Variants in PRKN observed in about 807,000 individuals in gnomAD.
PRKN encodes the protein parkin RBR E3 ubiquitin protein ligase, also known as E3 ubiquitin-protein ligase parkin.
In PRKN, 56 loss-of-function variants were observed where a neutral mutation model predicts 59.5. That is an observed-to-expected ratio of 0.94 (90% CI 0.76 to 1.18). The LOEUF (loss-of-function observed/expected upper bound fraction) is 1.18. PRKN is among the 50% of genes most tolerant of loss of function. The pLI is 0.00. For synonymous variants in PRKN, 250 were observed against 222.1 expected (o/e 1.13, Z -1.12); for missense variants, 657 against 596.4 (o/e 1.10, Z -1.06).
At chr6:162,340,294 T>C (rs1170448923) in intron 2 of PRKN, among the ~76,000 whole-genome samples, 4 of 152,188 alleles carry the variant, frequency 2.6e-5, no homozygotes, top group African/African-American at 9.7e-5. Context: ...TGAATAGGAT[T>C]CTGCCTTGAT....
chr6:161,613,073 C>A (rs1215023382), intron 7 of PRKN, among the ~76,000 whole-genome samples: 1 of 152,052 alleles, frequency 6.6e-6, no homozygotes, highest in African/African-American at 2.4e-5. Context: ...TGGATCTGGG[C>A]AAAGTACACT....
chr6:161,487,750 C>T lies in PRKN; in HGVS notation c.1083+61104G>A, dbSNP rs371186637. On this transcript the variant is annotated intron_variant, in intron 9 of 11. Coordinates refer to ENST00000366898, the MANE Select transcript of PRKN (RefSeq NM_004562.3). This position sits in a 1 kb window ranked among gnomAD's most constrained non-coding sequence, Gnocchi z 5.3. ...ATGGAGGCTCGCGAATAGAGAGGCACCATGCTCATTGCTTTGGGCATACCC... is the reference window on the plus strand; with the variant it reads ...ATGGAGGCTCGCGAATAGAGAGGCATCATGCTCATTGCTTTGGGCATACCC... 2.6e-5 allele frequency among the ~76,000 whole-genome samples: 4 copies of T among 152,284 alleles called. No homozygotes were observed. The South Asian group carries it at 8.3e-4, about 32-fold the overall frequency.
chr6:162,512,547 C>A (rs1312078939), intron 1 of PRKN, among the ~76,000 whole-genome samples: 1 of 152,178 alleles, frequency 6.6e-6, no homozygotes, highest in Non-Finnish European at 1.5e-5. Flanking sequence ...TCACAATGTT[C>A]TTTGCAGTTA....
chr6:161,469,573 AAGAG>A (rs1790672865), intron 9 of PRKN, among the ~76,000 whole-genome samples: 1 of 138,934 alleles, frequency 7.2e-6, no homozygotes, highest in Non-Finnish European at 1.5e-5. Flanking sequence ...GAGAGAGAGA[AAGAG>A]AGAGAGAAAG....
chr6:162,383,934 C>T (rs990440976), intron 2 of PRKN, among the ~76,000 whole-genome samples: 8 of 152,170 alleles, frequency 5.3e-5, no homozygotes, highest in African/African-American at 1.7e-4. Flanking sequence ...ACCTCTACTA[C>T]CTTCAAATGT....
chr6:161,614,045 G>T (rs1483000366), intron 7 of PRKN, among the ~76,000 whole-genome samples: 1 of 152,118 alleles, frequency 6.6e-6, no homozygotes, highest in Non-Finnish European at 1.5e-5. Flanking sequence ...TGTCTACCTG[G>T]AGGCACCTGT....
Position 162,011,440 on chromosome 6 carries a change from TA to T in PRKN, c.619-38024del, listed in dbSNP as rs1267616232. On this transcript the variant is annotated intron_variant, in intron 5 of 11. Transcript: ENST00000366898. ...TATATTTTATAATATATATGTTATA[TA>T]TTTATAATATATAATATATATATTA... Among the ~76,000 whole-genome samples, 2 of 21,558 alleles carry T rather than the reference TA, an allele frequency of 9.3e-5. 1 individual carries two copies. Among genetic ancestry groups the T allele is most frequent in the Non-Finnish European group, 1.2e-4 (2 of 16,502 alleles). The allele number at this position is 21,558 out of a possible 152,430, so 14.1% of individuals were successfully genotyped here. A position where few individuals can be genotyped will look rare whatever the true frequency, so the allele number is the denominator to read the frequency against.
At chr6:162,705,287 A>G (rs1048252422) in intron 1 of PRKN, among the ~76,000 whole-genome samples, 3 of 152,158 alleles carry the variant, frequency 2.0e-5, no homozygotes, top group African/African-American at 4.8e-5. Context: ...TCAGAAGAAC[A>G]CTGTTTTAGA....
intron 7 of PRKN, among the ~76,000 whole-genome samples, chr6:161,617,805 C>T (rs1472960782): frequency 1.3e-5 from 2 of 152,226 alleles, no homozygotes; most frequent in African/African-American, 2.4e-5. Context: ...CAACCTATTA[C>T]AATCCCAGGA....
intron 7 of PRKN, among the ~76,000 whole-genome samples, chr6:161,722,649 A>AT (rs1408626481): frequency 6.6e-6 from 1 of 152,192 alleles, no homozygotes; most frequent in African/African-American, 2.4e-5. Flanking sequence ...TCCTGTCAGT[A>AT]TTTTTTGTGA....
chr6:162,532,500 A>G (rs915869863), intron 1 of PRKN, among the ~76,000 whole-genome samples: 1 of 152,160 alleles, frequency 6.6e-6, no homozygotes, highest in East Asian at 1.9e-4. Flanking sequence ...TTTCTTACTC[A>G]GTCTTTATGA....
At chr6:161,939,761 T>C (rs1416131980) in intron 6 of PRKN, among the ~76,000 whole-genome samples, 3 of 152,034 alleles carry the variant, frequency 2.0e-5, no homozygotes, top group African/African-American at 4.8e-5. Context: ...AAAAGGCAGA[T>C]GTTAAAAACA....
In PRKN at chr6:161,766,498, C is replaced by T. The variant is rs546850943; in HGVS notation, c.871+19274G>A. On this transcript the variant is annotated intron_variant, in intron 7 of 11. Coordinates refer to ENST00000366898, the MANE Select transcript of PRKN (RefSeq NM_004562.3). ...AATTTTTCTGTATTTTCAGTAGAGA[C>T]GGGGTTTCACCATGTTGGCCAGGAT... Among the ~76,000 whole-genome samples, 226 of 152,122 alleles carry T rather than the reference C, an allele frequency of 1.5e-3. 1 individual carries two copies. Among genetic ancestry groups the T allele is most frequent in the Non-Finnish European group, 2.5e-3 (173 of 67,988 alleles).
At chr6:162,611,536 C>T (rs1355311598) in intron 1 of PRKN, among the ~76,000 whole-genome samples, 1 of 152,090 alleles carries the variant, frequency 6.6e-6, no homozygotes, top group East Asian at 1.9e-4. Flanking sequence ...AGGAAGGAGC[C>T]GCTAACCTAC....
chr6:161,555,868 TA>T (rs1780219489), intron 8 of PRKN, among the ~76,000 whole-genome samples: 1 of 152,234 alleles, frequency 6.6e-6, no homozygotes, highest in Admixed American at 6.5e-5. Flanking sequence ...ATAATTCTAA[TA>T]AGATAATCAA....
chr6:162,672,010 A>G (rs1584022284), intron 1 of PRKN, among the ~76,000 whole-genome samples: 2 of 152,002 alleles, frequency 1.3e-5, no homozygotes, highest in East Asian at 3.9e-4. Context: ...GTGCCCATGA[A>G]GTAAAGTGAA....
chr6:162,177,707 A>G (rs1233885711), intron 4 of PRKN, among the ~76,000 whole-genome samples: 1 of 152,244 alleles, frequency 6.6e-6, no homozygotes, highest in African/African-American at 2.4e-5. Flanking sequence ...CCAAGAATAC[A>G]ACAAAGACGG....
chr6:162,391,222 C>T (rs949509987), intron 2 of PRKN, among the ~76,000 whole-genome samples: 3 of 152,156 alleles, frequency 2.0e-5, no homozygotes, highest in Non-Finnish European at 2.9e-5. Context: ...GCAATGACTT[C>T]ATCCAGGAAG....
chr6:162,534,965 GTCTTCCTTCCCCAGTTC>G (rs1778658322), intron 1 of PRKN, among the ~76,000 whole-genome samples: 1 of 138,388 alleles, frequency 7.2e-6, no homozygotes, highest in Non-Finnish European at 1.7e-5. Context: ...TCAATGACCA[GTCTTCCTTCCCCAGTTC>G]TCTTCCTTCC....
Sources: gnomAD v4.1 joint callset for allele counts (sites outside exome capture counted in the v4.1 genomes callset) on GRCh38, gnomAD v4.1.1 for gene constraint, Gnocchi (gnomAD v3.1) non-coding constraint, MANE v1.5 for transcripts, NCBI Gene and HGNC (gene_info 2026-07-23, HGNC 2026-07-21) for gene names.